Variants in DLGAP2 observed in about 807,000 individuals in gnomAD.
The protein encoded by DLGAP2 is disks large-associated protein 2.
In DLGAP2, 26 loss-of-function variants were observed where a neutral mutation model predicts 100.3. The observed-to-expected ratio is 0.26, with a 90% confidence interval of 0.19 to 0.36. The LOEUF is 0.36. Ranked by LOEUF, DLGAP2 falls within the 10% of genes least tolerant of loss-of-function variation. The pLI is 1.00. For missense variants in DLGAP2, 1,858 were observed against 1,453.2 expected (o/e 1.28, Z -4.53); for synonymous variants, 886 against 630.1 (o/e 1.41, Z -6.08).
At chr8:1,616,632 C>A (rs185940968) in intron 6 of DLGAP2, among the ~76,000 whole-genome samples, 1 of 152,280 alleles carries the variant, frequency 6.6e-6, no homozygotes, top group East Asian at 1.9e-4. Context: ...GAATACTATA[C>A]CCAGCAAAAA....
intron 2 of DLGAP2, among the ~76,000 whole-genome samples, chr8:1,043,227 ATGTGGGTGGTGGG>A (rs1563161464): frequency 5.3e-5 from 1 of 18,872 alleles, no homozygotes; most frequent in Non-Finnish European, 1.0e-4. Flanking sequence ...TGGGTGGTGG[ATGTGGGTGGTGGG>A]TGTGGGTGGT....
chr8:1,009,747 C>T (rs1563141968), intron 2 of DLGAP2, among the ~76,000 whole-genome samples: 1 of 152,244 alleles, frequency 6.6e-6, no homozygotes, highest in South Asian at 2.1e-4. Context: ...TGGGCCACCT[C>T]TCATTTGTCT....
At chr8:1,227,635 C>T (rs1442129582) in intron 2 of DLGAP2, among the ~76,000 whole-genome samples, 1 of 151,826 alleles carries the variant, frequency 6.6e-6, no homozygotes, top group Non-Finnish European at 1.5e-5. Flanking sequence ...TGCGGATGGA[C>T]CTGGAGGCCG....
intron 1 of DLGAP2, among the ~76,000 whole-genome samples, chr8:782,933 G>A (rs1304101956): frequency 3.3e-5 from 5 of 152,182 alleles, no homozygotes; most frequent in South Asian, 2.1e-4. Context: ...GAAACAGTGC[G>A]TGGCTGTGCT....
intron 3 of DLGAP2, among the ~76,000 whole-genome samples, chr8:1,337,226 A>G (rs975979532): frequency 1.3e-5 from 2 of 149,158 alleles, no homozygotes; most frequent in Non-Finnish European, 3.0e-5. Context: ...GATGAGGATG[A>G]TGGTGGTGGT....
intron 3 of DLGAP2, among the ~76,000 whole-genome samples, chr8:1,407,897 G>A (rs1295215008): frequency 6.6e-6 from 1 of 151,706 alleles, no homozygotes; most frequent in Non-Finnish European, 1.5e-5. Flanking sequence ...CTGGAGTCAT[G>A]TATTGAGTGC....
At chr8:953,068 A>G (rs1012139141) in intron 2 of DLGAP2, among the ~76,000 whole-genome samples, 6 of 152,244 alleles carry the variant, frequency 3.9e-5, no homozygotes, top group African/African-American at 1.4e-4. Flanking sequence ...CAGATCCTAT[A>G]CAACATGGAA....
At position 1,705,760 on chromosome 8, in the gene DLGAP2, G is replaced by C. The variant is rs890190283; in HGVS notation, c.*4354G>C. ...AAATTTAACAGGCTAATTTAAAACT[G>C]CAGTTTTCAGACGACAGCCCCTGGG... On this transcript the variant is annotated 3_prime_UTR_variant, in exon 15 of 15. Transcript: ENST00000637795. 3.3e-5 allele frequency: 5 copies of C among 152,002 alleles called. No individual in the cohort carries two copies. Among genetic ancestry groups the C allele is most frequent in the African/African-American group, 1.2e-4 (5 of 41,346 alleles). The allele number at this position is 152,002 out of a possible 1,614,324, so 9.4% of individuals were successfully genotyped here. A position where few individuals can be genotyped will look rare whatever the true frequency, so the allele number is the denominator to read the frequency against.
chr8:1,469,086 G>C (rs973382152), intron 3 of DLGAP2, among the ~76,000 whole-genome samples: 6 of 151,850 alleles, frequency 4.0e-5, no homozygotes, highest in African/African-American at 1.5e-4. Flanking sequence ...GACATGTCCT[G>C]TCATTCATTC....
chr8:1,185,437 G>C (rs1393304753), intron 2 of DLGAP2, among the ~76,000 whole-genome samples: 1 of 152,062 alleles, frequency 6.6e-6, no homozygotes, highest in African/African-American at 2.4e-5. Flanking sequence ...TCTGGGATGA[G>C]ATAGAATGGT....
intron 2 of DLGAP2, among the ~76,000 whole-genome samples, chr8:926,201 C>T (rs997273699): frequency 9.9e-5 from 15 of 152,184 alleles, no homozygotes; most frequent in Non-Finnish European, 2.2e-4. Context: ...AGAGCCCACG[C>T]CCACCACTCC....
chr8:1,681,424 G>A (rs1027573801), intron 12 of DLGAP2, among the ~76,000 whole-genome samples: 3 of 152,004 alleles, frequency 2.0e-5, no homozygotes, highest in African/African-American at 7.2e-5. Flanking sequence ...CTTGTGCCCA[G>A]GAGTTTTAGA....
intron 2 of DLGAP2, among the ~76,000 whole-genome samples, chr8:1,242,759 G>C (rs913640714): frequency 6.6e-6 from 1 of 152,176 alleles, no homozygotes; most frequent in Admixed American, 6.5e-5. Flanking sequence ...CGGATGGATG[G>C]TCAGACAGAC....
intron 6 of DLGAP2, 116 bp from the exon 7 acceptor site, chr8:1,626,624 C>G: frequency 1.5e-6 from 2 of 1,368,022 alleles, no homozygotes; most frequent in Non-Finnish European, 2.0e-6. Context: ...CGGTCGTTCC[C>G]ACCTCTGCCC....
intron 2 of DLGAP2, among the ~76,000 whole-genome samples, chr8:1,244,968 A>C (rs974057395): frequency 7.2e-5 from 11 of 152,226 alleles, no homozygotes; most frequent in Non-Finnish European, 1.0e-4. Context: ...TGAACAGGCA[A>C]TTCACCCACA....
intron 3 of DLGAP2, among the ~76,000 whole-genome samples, chr8:1,474,574 G>T (rs1466397390): frequency 4.6e-5 from 7 of 152,104 alleles, no homozygotes; most frequent in Non-Finnish European, 1.0e-4. Context: ...CAATGAGTAG[G>T]CACCTCTCAA....
intron 1 of DLGAP2, among the ~76,000 whole-genome samples, chr8:858,146 C>G (rs534045566): frequency 6.6e-6 from 1 of 152,192 alleles, no homozygotes. Context: ...CGTTAGCCAC[C>G]GCGCCCAGTG....
intron 1 of DLGAP2, among the ~76,000 whole-genome samples, chr8:769,975 G>A (rs1821315856): frequency 6.6e-6 from 1 of 152,114 alleles, no homozygotes; most frequent in Non-Finnish European, 1.5e-5. Context: ...ACACAGGAGG[G>A]TTTTCTTCCT....
At chr8:1,453,895 G>C (rs1156252136) in intron 3 of DLGAP2, among the ~76,000 whole-genome samples, 1 of 152,218 alleles carries the variant, frequency 6.6e-6, no homozygotes, top group Non-Finnish European at 1.5e-5. Context: ...GATGCTCTGA[G>C]ATATTTTTGT....
Sources: gnomAD v4.1 joint callset for allele counts (sites outside exome capture counted in the v4.1 genomes callset) on GRCh38, gnomAD v4.1.1 for gene constraint, MANE v1.5 for transcripts, NCBI Gene and HGNC (gene_info 2026-07-23, HGNC 2026-07-21) for gene names.